The following ADAMTS19 variants were observed in gnomAD, a reference collection of about 807,000 sequenced individuals.
The protein encoded by ADAMTS19 is ADAM metallopeptidase with thrombospondin type 1 motif 19, also known as A disintegrin and metalloproteinase with thrombospondin motifs 19.
In ADAMTS19, 93 loss-of-function variants were observed where a neutral mutation model predicts 153.3. That is an observed-to-expected ratio of 0.61 (90% confidence interval 0.51 to 0.72). The LOEUF (loss-of-function observed/expected upper bound fraction) is 0.72, where lower values mean the gene tolerates loss of function less well. Ranked by LOEUF, ADAMTS19 falls within the 30% of genes least tolerant of loss-of-function variation. The probability of loss-of-function intolerance (pLI) is 0.00; values close to 1 mark genes in which losing one functional copy is unlikely to be tolerated. For missense variants in ADAMTS19, 1,482 were observed against 1,552.1 expected (o/e 0.95, Z 0.76); for synonymous variants, 600 against 556.6 (o/e 1.08, Z -1.10).
intron 3 of ADAMTS19, among the ~76,000 whole-genome samples, chr5:129,523,699 C>T (rs1751904191): frequency 6.6e-6 from 1 of 152,016 alleles, no homozygotes; most frequent in East Asian, 1.9e-4. Context: ...GTGAACATAA[C>T]CAATAACTAC....
At chr5:129,493,875 G>A (rs1750846749) in intron 2 of ADAMTS19, among the ~76,000 whole-genome samples, 1 of 151,998 alleles carries the variant, frequency 6.6e-6, no homozygotes, top group Admixed American at 6.6e-5. Context: ...CATTCTTTAT[G>A]ACAACCAAGA....
chr5:129,622,213 C>T lies in ADAMTS19; in HGVS notation c.1635C>T (p.Asn545=). ...CTATTGCCAGGTCAAAGGCCAGTAA[C>T]TGCTTGCTACAAACAAATCCGCAGA... ...LERFLRSKAS[N]CLLQTNPQSV... Residue 545 remains asparagine (N), a synonymous_variant, in exon 10 of 23, where the codon AAC becomes AAT. Transcript: ENST00000274487. The T allele has an allele frequency of 6.2e-7, 1 of 1,614,056 alleles. No homozygotes were observed. The highest frequency in any genetic ancestry group is 1.1e-5 in the South Asian group (1 of 91,084).
At chr5:129,531,989 T>A (rs1162632591) in intron 6 of ADAMTS19, among the ~76,000 whole-genome samples, 1 of 152,078 alleles carries the variant, frequency 6.6e-6, no homozygotes, top group Non-Finnish European at 1.5e-5. Flanking sequence ...TGAGTATCAG[T>A]CCTATTTAAC....
chr5:129,460,327 C>A lies in ADAMTS19; in HGVS notation c.-65C>A, dbSNP rs902239579. The A allele has an allele frequency of 6.0e-5, 80 of 1,333,270 alleles. No individual in the cohort carries two copies. Among genetic ancestry groups the A allele is most frequent in the Admixed American group, 1.1e-4 (6 of 54,466 alleles). The allele number at this position is 1,333,270 out of a possible 1,614,324, so 82.6% of individuals were successfully genotyped here. A position where few individuals can be genotyped will look rare whatever the true frequency, so the allele number is the denominator to read the frequency against. Reference sequence around the variant, plus strand: ...TCCTAGCGCTCCGGGGAGGCCGCTGCGCCCCGGAGTGGATCGCGCTGGAGG... The same window carrying A: ...TCCTAGCGCTCCGGGGAGGCCGCTGAGCCCCGGAGTGGATCGCGCTGGAGG... On this transcript the variant is annotated 5_prime_UTR_variant, in exon 1 of 23. Coordinates refer to ENST00000274487, the MANE Select transcript of ADAMTS19 (RefSeq NM_133638.6).
chr5:129,700,005 G>A (rs762518387), intron 19 of ADAMTS19, among the ~76,000 whole-genome samples: 1 of 152,046 alleles, frequency 6.6e-6, no homozygotes, highest in Non-Finnish European at 1.5e-5. Flanking sequence ...ATAACCTCGG[G>A]GATTCTGACT....
intron 7 of ADAMTS19, among the ~76,000 whole-genome samples, chr5:129,585,869 TTGAAG>T (rs1009689411): frequency 6.6e-6 from 1 of 152,228 alleles, no homozygotes; most frequent in East Asian, 1.9e-4. Context: ...TGTTGTTACT[TTGAAG>T]TGAAGTTTCC....
chr5:129,539,867 T>C (rs556267033), intron 6 of ADAMTS19, among the ~76,000 whole-genome samples: 6 of 152,042 alleles, frequency 3.9e-5, no homozygotes, highest in Non-Finnish European at 7.4e-5. Context: ...CTGTGGAGGA[T>C]CACCCTTTCT....
chr5:129,537,820 A>C (rs1434567548), intron 6 of ADAMTS19, among the ~76,000 whole-genome samples: 1 of 152,098 alleles, frequency 6.6e-6, no homozygotes, highest in Non-Finnish European at 1.5e-5. Context: ...AGATATACCT[A>C]ATGCCAAATG....
In ADAMTS19 at chr5:129,641,158, T is replaced by C. The variant is rs998333022; in HGVS notation, c.1771-701T>C. ...TATGTCTCTGAGCTGACCACAATTA[T>C]AGCTGTCTAAGGTTTTTGACAATTT... On this transcript the variant is annotated intron_variant, in intron 10 of 22. Coordinates refer to ENST00000274487, the MANE Select transcript of ADAMTS19 (RefSeq NM_133638.6). Among the ~76,000 whole-genome samples the C allele has an allele frequency of 5.3e-5, 8 of 152,350 alleles. No individual in the cohort carries two copies. The South Asian group carries it at 1.7e-3, about 32-fold the overall frequency.
chr5:129,627,219 ATAT>A (rs1752089079), intron 10 of ADAMTS19, among the ~76,000 whole-genome samples: 1 of 152,128 alleles, frequency 6.6e-6, no homozygotes, highest in African/African-American at 2.4e-5. Context: ...GGTCAATGCA[ATAT>A]TTAGAGTTTA....
chr5:129,626,202 C>G (rs970173038), intron 10 of ADAMTS19, among the ~76,000 whole-genome samples: 2 of 152,026 alleles, frequency 1.3e-5, no homozygotes, highest in Non-Finnish European at 2.9e-5. Context: ...AAATCAGATG[C>G]TCTCCAGTCT....
intron 10 of ADAMTS19, among the ~76,000 whole-genome samples, chr5:129,641,088 G>C (rs1266439083): frequency 6.6e-6 from 1 of 152,136 alleles, no homozygotes; most frequent in African/African-American, 2.4e-5. Flanking sequence ...CCACCTTACA[G>C]AAATAGAAAG....
At chr5:129,524,292 T>G (rs927430091) in intron 3 of ADAMTS19, among the ~76,000 whole-genome samples, 4 of 152,032 alleles carry the variant, frequency 2.6e-5, no homozygotes, top group Admixed American at 2.6e-4. Context: ...TTACACACTA[T>G]ACAAAAATTC....
chr5:129,631,410 G>T (rs984405166), intron 10 of ADAMTS19, among the ~76,000 whole-genome samples: 16 of 151,778 alleles, frequency 1.1e-4, no homozygotes, highest in African/African-American at 3.6e-4. Context: ...TTATGTGTAT[G>T]GATGTTCTAA....
chr5:129,578,848 G>T (rs894009205), intron 7 of ADAMTS19, among the ~76,000 whole-genome samples: 2 of 152,022 alleles, frequency 1.3e-5, no homozygotes, highest in Non-Finnish European at 2.9e-5. Flanking sequence ...TTATTGATTG[G>T]CATTTGTGTT....
At chr5:129,515,307 T>G (rs778859806) in intron 3 of ADAMTS19, among the ~76,000 whole-genome samples, 9 of 148,352 alleles carry the variant, frequency 6.1e-5, no homozygotes, top group Non-Finnish European at 1.2e-4. Flanking sequence ...TTTAGGACTG[T>G]TTTTTTTTTC....
intron 11 of ADAMTS19, among the ~76,000 whole-genome samples, chr5:129,643,379 A>G (rs1341356233): frequency 6.7e-6 from 1 of 149,302 alleles, no homozygotes; most frequent in Non-Finnish European, 1.5e-5. Flanking sequence ...AAAAAAAAAA[A>G]AAAAAAAGAA....
At chr5:129,491,813 A>T (rs1340713894) in intron 2 of ADAMTS19, among the ~76,000 whole-genome samples, 1 of 152,200 alleles carries the variant, frequency 6.6e-6, no homozygotes, top group Admixed American at 6.5e-5. Flanking sequence ...TTCAATAAAA[A>T]GCAAATTACA....
At chr5:129,641,488 A>G (rs1442728262) in intron 10 of ADAMTS19, among the ~76,000 whole-genome samples, 1 of 152,196 alleles carries the variant, frequency 6.6e-6, no homozygotes, top group Non-Finnish European at 1.5e-5. Context: ...CACTGAATTT[A>G]TAACACAAAA....
Sources: gnomAD v4.1 joint callset for allele counts (sites outside exome capture counted in the v4.1 genomes callset) on GRCh38, gnomAD v4.1.1 for gene constraint, MANE v1.5 for transcripts, NCBI Gene and HGNC (gene_info 2026-07-23, HGNC 2026-07-21) for gene names.